Variants in SH2D4B observed in about 807,000 individuals in gnomAD.
The protein encoded by SH2D4B is SH2 domain containing 4B, also known as SH2 domain-containing protein 4B.
SH2D4B carries 45 observed loss-of-function variants against 61.5 expected under a neutral mutation model. The ratio of observed to expected loss-of-function variants is 0.73; its 90% confidence interval spans 0.58 to 0.94. The LOEUF is 0.94. Ranked by LOEUF, SH2D4B falls within the 40% of genes least tolerant of loss-of-function variation. SH2D4B has a pLI of 0.00. For missense variants in SH2D4B, 572 were observed against 574.2 expected, an observed-to-expected ratio of 1.00 and a Z score of 0.04; for synonymous variants, 224 against 220.4, an observed-to-expected ratio of 1.02 and a Z score of -0.14.
chr10:80,542,769 T>C (rs1211137304), intron 1 of SH2D4B, among the ~76,000 whole-genome samples: 1 of 152,012 alleles, frequency 6.6e-6, no homozygotes, highest in Non-Finnish European at 1.5e-5. Context: ...CTCATCCTTC[T>C]GGATGCTTTT....
At chr10:80,544,731 A>G (rs138486238) in intron 1 of SH2D4B, among the ~76,000 whole-genome samples, 18 of 152,162 alleles carry the variant, frequency 1.2e-4, no homozygotes, top group Non-Finnish European at 2.4e-4. Context: ...ACCCTACCTC[A>G]AGCTCATCCC....
At chr10:80,578,697 T>C (rs1222724986) in intron 3 of SH2D4B, among the ~76,000 whole-genome samples, 1 of 152,182 alleles carries the variant, frequency 6.6e-6, no homozygotes, top group Admixed American at 6.5e-5. Flanking sequence ...AGGATCTTGA[T>C]ACAAAGAAGG....
intron 4 of SH2D4B, 130 bp downstream of exon 4, chr10:80,588,907 C>A: frequency 8.9e-7 from 1 of 1,124,598 alleles, no homozygotes; most frequent in Non-Finnish European, 1.3e-6. Flanking sequence ...TGGACCCGGC[C>A]ATGTGCTCAG....
rs149692680 is a variant in SH2D4B at position 80,580,715 on chromosome 10, A to G, written c.496-7915A>G. Among the ~76,000 whole-genome samples the G allele has an allele frequency of 7.5e-3, 1,149 of 152,258 alleles. 17 individuals carry two copies. Among genetic ancestry groups the G allele is most frequent in the African/African-American group, 0.026 (1,097 of 41,552 alleles). On this transcript the variant is annotated intron_variant, in intron 3 of 7. Transcript: ENST00000646907. ...AAATTTTTCACTTTCTAGAAAAGGCATTTGTCTTGATGACATTTTCCACAG... is the reference window on the plus strand; with the variant it reads ...AAATTTTTCACTTTCTAGAAAAGGCGTTTGTCTTGATGACATTTTCCACAG...
intron 3 of SH2D4B, among the ~76,000 whole-genome samples, chr10:80,573,875 G>A (rs2132120872): frequency 6.6e-6 from 1 of 152,108 alleles, no homozygotes; most frequent in Admixed American, 6.5e-5. Flanking sequence ...AAAGACCTCG[G>A]TGATTTTCAT....
intron 6 of SH2D4B, among the ~76,000 whole-genome samples, chr10:80,630,063 G>C (rs1426886956): frequency 1.3e-5 from 2 of 152,228 alleles, no homozygotes; most frequent in Non-Finnish European, 2.9e-5. Flanking sequence ...AAGGTGGGGA[G>C]AGTCTTCAGA....
chr10:80,606,609 A>G (rs1356125171), intron 5 of SH2D4B, among the ~76,000 whole-genome samples: 1 of 152,128 alleles, frequency 6.6e-6, no homozygotes, highest in Non-Finnish European at 1.5e-5. Context: ...CGGCCTCCCA[A>G]AGTGCTGGGA....
chr10:80,554,371 T>C (rs1841799733), intron 1 of SH2D4B, among the ~76,000 whole-genome samples: 1 of 152,212 alleles, frequency 6.6e-6, no homozygotes, highest in Non-Finnish European at 1.5e-5. Context: ...AATCTCTTTA[T>C]AACCAGCTAG....
chr10:80,540,957 G>A (rs774762521), intron 1 of SH2D4B: 3 of 1,464,794 alleles, frequency 2.0e-6, no homozygotes, highest in South Asian at 2.4e-5. Context: ...CCCAGTTGAT[G>A]TCCAGGCTCT....
intron 6 of SH2D4B, among the ~76,000 whole-genome samples, chr10:80,630,600 T>C (rs1400167574): frequency 6.6e-6 from 1 of 152,232 alleles, no homozygotes; most frequent in Non-Finnish European, 1.5e-5. Context: ...AGGCACTGCC[T>C]TTCCCAATCA....
intron 3 of SH2D4B, among the ~76,000 whole-genome samples, chr10:80,578,610 T>C (rs1564773474): frequency 6.6e-6 from 1 of 152,140 alleles, no homozygotes; most frequent in Non-Finnish European, 1.5e-5. Context: ...GAGCCAGACA[T>C]ACGCCTGGAA....
At position 80,540,098 on chromosome 10, in the gene SH2D4B, T is replaced by C. The variant is rs940430251; in HGVS notation, c.184+1583T>C. Among the ~76,000 whole-genome samples, 5 of 152,236 alleles carry C rather than the reference T, an allele frequency of 3.3e-5. No individual in the cohort carries two copies. The East Asian group carries it at 7.7e-4, about 23-fold the overall frequency. On this transcript the variant is annotated intron_variant, in intron 1 of 7. Transcript: ENST00000646907. ...CAGAGATTTGTCACACATAGACATC[T>C]ACATTTTCATGTATAAATTATACAT...
chr10:80,570,110 A>G (rs985984667), intron 1 of SH2D4B, 44 bp from the exon 2 acceptor site: 1 of 1,612,180 alleles, frequency 6.2e-7, no homozygotes, highest in Non-Finnish European at 8.5e-7. Flanking sequence ...TTCCTTACTG[A>G]TTGAAAATCA....
chr10:80,620,303 C>T (rs1226774288), intron 6 of SH2D4B, among the ~76,000 whole-genome samples: 1 of 152,142 alleles, frequency 6.6e-6, no homozygotes, highest in Non-Finnish European at 1.5e-5. Flanking sequence ...TGGTACCTTC[C>T]TTTTCACTCT....
chr10:80,634,285 G>T lies in SH2D4B; in HGVS notation c.989G>T (p.Gly330Val). 1 of 1,501,622 alleles carries T rather than the reference G, an allele frequency of 6.7e-7. No homozygotes were observed. Among genetic ancestry groups the T allele is most frequent in the South Asian group, 1.3e-5 (1 of 77,992 alleles). 93.0% of individuals were successfully genotyped at this position (1,501,622 alleles called of 1,614,324 possible). The change falls in exon 7 of 8, where the codon GGA becomes GTA. Residue 330 changes from glycine (G) to valine (V), a missense_variant and splice_region_variant. Coordinates refer to ENST00000646907, the MANE Select transcript of SH2D4B (RefSeq NM_001388272.1). ...TTTGTTTTTTTCTATTTTAAATCAG[G>T]AATTATTAGCCGAGAAGATGCAGAA... is the stretch of plus-strand genomic sequence containing the variant. ...NTKFIAPWFHGIISREDAEAL... is the reference protein window; with the variant it reads ...NTKFIAPWFHVIISREDAEAL...
At chr10:80,600,101 G>A (rs7089872) in intron 4 of SH2D4B, among the ~76,000 whole-genome samples, 17,692 of 152,190 alleles carry the variant, frequency 0.12, 1,204 homozygotes, top group East Asian at 0.25. Context: ...TTACATCTCA[G>A]AGCAACCCAG....
intron 6 of SH2D4B, among the ~76,000 whole-genome samples, chr10:80,630,618 G>C (rs1168062479): frequency 1.3e-5 from 2 of 152,228 alleles, no homozygotes; most frequent in East Asian, 3.8e-4. Flanking sequence ...TCAAGCTATA[G>C]GCTTTGTGGT....
chr10:80,574,655 G>A (rs1573973), intron 3 of SH2D4B, among the ~76,000 whole-genome samples: 26,944 of 151,996 alleles, frequency 0.18, 3,163 homozygotes, highest in East Asian at 0.37. Flanking sequence ...CCCATGAGTT[G>A]TAAATTTTTT....
intron 6 of SH2D4B, among the ~76,000 whole-genome samples, chr10:80,610,957 G>A (rs1233216034): frequency 1.3e-5 from 2 of 151,916 alleles, no homozygotes; most frequent in African/African-American, 4.8e-5. Context: ...GATCACTTGA[G>A]GTCAGGAGTT....
Sources: gnomAD v4.1 joint callset for allele counts (sites outside exome capture counted in the v4.1 genomes callset) on GRCh38, gnomAD v4.1.1 for gene constraint, MANE v1.5 for transcripts, NCBI Gene and HGNC (gene_info 2026-07-23, HGNC 2026-07-21) for gene names.